Variants in RIMS2 observed in about 807,000 individuals in gnomAD.
RIMS2 encodes the protein regulating synaptic membrane exocytosis protein 2.
RIMS2 carries 59 observed loss-of-function variants against 174.4 expected under a neutral mutation model. The ratio of observed to expected loss-of-function variants is 0.34; its 90% CI spans 0.27 to 0.42. RIMS2 has a LOEUF of 0.42. Among genes scored for constraint, RIMS2 ranks in the 10% least tolerant of loss-of-function variants. The pLI is 1.00. For synonymous variants in RIMS2, 606 were observed against 572.5 expected, an observed-to-expected ratio of 1.06 and a Z score of -0.84; for missense variants, 1,620 against 1,666.3, an observed-to-expected ratio of 0.97 and a Z score of 0.48.
At chr8:103,591,877 G>T (rs777882074) in intron 1 of RIMS2, among the ~76,000 whole-genome samples, 1 of 150,892 alleles carries the variant, frequency 6.6e-6, no homozygotes, top group Non-Finnish European at 1.5e-5. Context: ...TTAATATTCT[G>T]TGTTCTTTTG....
intron 19 of RIMS2, among the ~76,000 whole-genome samples, chr8:104,135,135 G>A (rs1284002254): frequency 6.6e-6 from 1 of 152,136 alleles, no homozygotes; most frequent in Admixed American, 6.5e-5. Context: ...TGAAATGTAA[G>A]GAGAAGTCTG....
In RIMS2 at chr8:103,546,420, C is replaced by T. The variant is rs148041647; in HGVS notation, c.176+45358C>T. 2.1e-3 allele frequency among the ~76,000 whole-genome samples: 320 copies of T among 152,136 alleles called. 2 individuals are homozygous for T. The highest frequency in any genetic ancestry group is 6.8e-3 in the Middle Eastern group (2 of 294). The stretch of plus-strand genomic sequence containing the variant: ...ACCTATGAGGAGCCTTAGATAATGA[C>T]GTAATAATGGTGGGAGACTTCAAAA... On this transcript the variant is annotated intron_variant, in intron 1 of 23. Transcript: ENST00000504942.
chr8:104,213,747 C>G lies in RIMS2; in HGVS notation c.3335-31169C>G, dbSNP rs144465087. ...CAAAAATTAGTTGGGCGTGGTGGCA[C>G]GCGCCTGTAGTCCCTGCTACTCAGG... is the stretch of plus-strand genomic sequence containing the variant. On this transcript the variant is annotated intron_variant, in intron 19 of 23. Coordinates refer to ENST00000504942, the Ensembl canonical transcript of RIMS2. Among the ~76,000 whole-genome samples, 251 of 151,760 alleles carry G rather than the reference C, an allele frequency of 1.7e-3. 2 individuals carry two copies. Among genetic ancestry groups the G allele is most frequent in the African/African-American group, 5.6e-3 (232 of 41,362 alleles).
chr8:104,034,634 T>A (rs369694956), intron 19 of RIMS2, among the ~76,000 whole-genome samples: 3 of 151,844 alleles, frequency 2.0e-5, no homozygotes, highest in East Asian at 3.9e-4. Flanking sequence ...CACGCCTGGA[T>A]AATTTTTGTA....
chr8:103,819,596 A>G, intron 3 of RIMS2: 1 of 1,613,620 alleles, frequency 6.2e-7, no homozygotes, highest in Admixed American at 1.7e-5. Flanking sequence ...ATCTTACAAA[A>G]TGAGCTTTTT....
At chr8:104,114,324 G>A (rs568331051) in intron 19 of RIMS2, among the ~76,000 whole-genome samples, 3 of 151,790 alleles carry the variant, frequency 2.0e-5, no homozygotes, top group African/African-American at 7.2e-5. Context: ...CTAGTTTCTC[G>A]ATTTGTGGTT....
At chr8:103,571,696 T>C (rs1588007466) in intron 1 of RIMS2, among the ~76,000 whole-genome samples, 1 of 152,184 alleles carries the variant, frequency 6.6e-6, no homozygotes, top group Non-Finnish European at 1.5e-5. Flanking sequence ...CACCTTACAC[T>C]AGCTTAAGGA....
intron 3 of RIMS2, among the ~76,000 whole-genome samples, chr8:103,789,675 T>C (rs988273050): frequency 2.0e-5 from 3 of 152,080 alleles, no homozygotes; most frequent in Non-Finnish European, 2.9e-5. Context: ...CCCAGTTTAT[T>C]ATCTTTTGAC....
At chr8:104,077,770 T>C (rs998576808) in intron 19 of RIMS2, among the ~76,000 whole-genome samples, 8 of 149,668 alleles carry the variant, frequency 5.3e-5, no homozygotes. Context: ...GCAACAACTG[T>C]TCATTTATTC....
chr8:103,984,060 G>A (rs1303948023), intron 16 of RIMS2, among the ~76,000 whole-genome samples: 2 of 152,142 alleles, frequency 1.3e-5, no homozygotes, highest in Non-Finnish European at 2.9e-5. Context: ...TGTAGTCCCA[G>A]CTACTCGGAA....
intron 2 of RIMS2, among the ~76,000 whole-genome samples, chr8:103,722,804 T>G (rs1408016768): frequency 2.0e-5 from 3 of 152,210 alleles, no homozygotes; most frequent in Non-Finnish European, 2.9e-5. Flanking sequence ...TCTGTCTGAC[T>G]AGGACAGAGC....
In RIMS2 at chr8:103,622,482, T is replaced by C. The variant is rs1589215213; in HGVS notation, c.177-74604T>C. On this transcript the variant is annotated intron_variant, in intron 1 of 23. Coordinates refer to ENST00000504942, the Ensembl canonical transcript of RIMS2. ...GGGAATTTTATCTTTCCTGTCTCTA[T>C]TTTTCAATTTTTTATATAATTAAAT... Among the ~76,000 whole-genome samples, 8 of 152,286 alleles carry C rather than the reference T, an allele frequency of 5.3e-5. 2 individuals are homozygous for C. Among genetic ancestry groups the C allele is most frequent in the Admixed American group, 5.2e-4 (8 of 15,298 alleles).
intron 15 of RIMS2, among the ~76,000 whole-genome samples, chr8:103,969,884 G>T (rs2092658521): frequency 6.6e-6 from 1 of 152,058 alleles, no homozygotes; most frequent in Non-Finnish European, 1.5e-5. Flanking sequence ...TACTAGCTGG[G>T]ACTATGGGTG....
chr8:103,654,208 T>C (rs1373931180), intron 1 of RIMS2, among the ~76,000 whole-genome samples: 2 of 151,988 alleles, frequency 1.3e-5, no homozygotes, highest in Non-Finnish European at 2.9e-5. Context: ...TAATCAAGAC[T>C]GTGCCATATT....
At chr8:104,197,062 T>G (rs3099574) in intron 19 of RIMS2, among the ~76,000 whole-genome samples, 114,950 of 151,980 alleles carry the variant, frequency 0.76, 44,705 homozygotes, top group African/African-American at 0.94. Flanking sequence ...AAGACATATG[T>G]CTCTTTTAAT....
chr8:104,199,355 C>G (rs1213841297), intron 19 of RIMS2, among the ~76,000 whole-genome samples: 9 of 152,172 alleles, frequency 5.9e-5, no homozygotes, highest in Admixed American at 5.2e-4. Flanking sequence ...AGCCACCACG[C>G]CCGGCCTATT....
chr8:103,797,626 C>T (rs75315456), intron 3 of RIMS2, among the ~76,000 whole-genome samples: 1 of 152,144 alleles, frequency 6.6e-6, no homozygotes. Context: ...AAGAATTAAA[C>T]TACTTGTTGC....
chr8:104,106,157 C>T (rs1598993456), intron 19 of RIMS2, among the ~76,000 whole-genome samples: 2 of 150,198 alleles, frequency 1.3e-5, no homozygotes, highest in African/African-American at 4.9e-5. Flanking sequence ...TTGTCTTGAA[C>T]TCCTGGCCAC....
At chr8:103,986,686 C>T (rs1490156825) in intron 16 of RIMS2, among the ~76,000 whole-genome samples, 1 of 151,860 alleles carries the variant, frequency 6.6e-6, no homozygotes, top group African/African-American at 2.4e-5. Flanking sequence ...GCCTGGCCAA[C>T]CTGGTGAAAC....
Sources: gnomAD v4.1 joint callset for allele counts (sites outside exome capture counted in the v4.1 genomes callset) on GRCh38, gnomAD v4.1.1 for gene constraint, MANE v1.5 for transcripts, NCBI Gene and HGNC (gene_info 2026-07-23, HGNC 2026-07-21) for gene names.